Variants in PCCA observed in about 807,000 individuals in gnomAD.
The protein encoded by PCCA is propionyl-CoA carboxylase alpha chain, mitochondrial.
In PCCA, 74 loss-of-function variants were observed where a neutral mutation model predicts 101.3. The ratio of observed to expected loss-of-function variants is 0.73; its 90% CI spans 0.61 to 0.89. The LOEUF (loss-of-function observed/expected upper bound fraction) is 0.89. Ranked by LOEUF, PCCA falls within the 40% of genes least tolerant of loss-of-function variation. PCCA has a pLI of 0.00. For missense variants in PCCA, 891 were observed against 907.0 expected (o/e 0.98, Z 0.23); for synonymous variants, 294 against 313.6 (o/e 0.94, Z 0.66).
At position 100,157,297 on chromosome 13, in the gene PCCA, G is replaced by A. The variant is rs796052019; in HGVS notation, c.425G>A (p.Gly142Asp). Residue 142 changes from glycine (G) to aspartate (D), a missense_variant, in exon 6 of 24, where the codon GGT (glycine) becomes GAT (aspartate). Physicochemically the swap from Gly to Asp is moderately conservative, Grantham distance 94. Coordinates refer to ENST00000376285, the MANE Select transcript of PCCA (RefSeq NM_000282.4). ...KKTRAQAVHPGYGFLSENKEF... is the reference protein window; with the variant it reads ...KKTRAQAVHPDYGFLSENKEF... ...GCTTTCATTTCTAAGGTACATCCAG[G>A]TTATGGATTCCTTTCAGAAAACAAA... 6.2e-7 allele frequency: 1 copy of A among 1,610,564 alleles called. No individual in the cohort carries two copies. Among genetic ancestry groups the A allele is most frequent in the Non-Finnish European group, 8.5e-7 (1 of 1,176,956 alleles).
chr13:100,494,183 T>C (rs1206381578), intron 21 of PCCA, among the ~76,000 whole-genome samples: 1 of 151,128 alleles, frequency 6.6e-6, no homozygotes, highest in African/African-American at 2.5e-5. Context: ...GGAGACTCTG[T>C]CTCAAAAAAT....
In PCCA at chr13:100,185,760, G is replaced by C. The variant is rs1331846822; in HGVS notation, c.469-23572G>C. 2.6e-5 allele frequency among the ~76,000 whole-genome samples: 4 copies of C among 151,660 alleles called. No homozygotes were observed. In the East Asian group the frequency reaches 7.7e-4, roughly 29 times the overall value. On this transcript the variant is annotated intron_variant, in intron 6 of 23. Coordinates refer to ENST00000376285, the MANE Select transcript of PCCA (RefSeq NM_000282.4). ...CCTCCGAGGTTCAAGTGGTTCTCCT[G>C]CCTCAGCCGCTCAAGTAGCTGGGAT... is the stretch of plus-strand genomic sequence containing the variant.
At chr13:100,427,732 TAA>T (rs79186516) in intron 20 of PCCA, among the ~76,000 whole-genome samples, 29 of 132,132 alleles carry the variant, frequency 2.2e-4, no homozygotes, top group Admixed American at 2.3e-4. Flanking sequence ...GTCGTTTACC[TAA>T]AAAAAAAAAA....
rs547427000 is a variant in PCCA, at chr13:100,234,429, A to T, written c.601-1413A>T. Among the ~76,000 whole-genome samples, 24 of 152,238 alleles carry T rather than the reference A, an allele frequency of 1.6e-4. No homozygotes were observed. The South Asian group carries it at 4.6e-3, about 29-fold the overall frequency. ...ATAGATTTATCTCTGACTTGAAAAC[A>T]ATTGTTATTTGGAAAATCTCATTAG... On this transcript the variant is annotated intron_variant, in intron 7 of 23. Coordinates refer to ENST00000376285, the MANE Select transcript of PCCA (RefSeq NM_000282.4).
intron 6 of PCCA, among the ~76,000 whole-genome samples, chr13:100,207,233 C>G (rs897062369): frequency 2.0e-5 from 3 of 152,152 alleles, no homozygotes; most frequent in African/African-American, 7.2e-5. Flanking sequence ...CACATTGTCA[C>G]TCAAAGAAAT....
chr13:100,440,756 C>G (rs1359755965), intron 20 of PCCA, among the ~76,000 whole-genome samples: 1 of 151,674 alleles, frequency 6.6e-6, no homozygotes, highest in Non-Finnish European at 1.5e-5. Context: ...TGTGACATGA[C>G]ACTCTCAGGA....
chr13:100,263,974 CTGTA>C (rs1247959825), intron 10 of PCCA, among the ~76,000 whole-genome samples: 2 of 148,840 alleles, frequency 1.3e-5, no homozygotes, highest in Non-Finnish European at 3.0e-5. Context: ...TATACGGTAT[CTGTA>C]TGTCATATAT....
intron 19 of PCCA, among the ~76,000 whole-genome samples, chr13:100,370,299 G>T (rs2075495127): frequency 6.6e-6 from 1 of 151,848 alleles, no homozygotes; most frequent in Non-Finnish European, 1.5e-5. Context: ...TGGCCAGGCT[G>T]GTCTCGAACA....
chr13:100,132,764 C>T (rs1230184611), intron 4 of PCCA, among the ~76,000 whole-genome samples: 1 of 152,006 alleles, frequency 6.6e-6, no homozygotes, highest in African/African-American at 2.4e-5. Context: ...TCATCCACTT[C>T]AGCAGTCTTG....
At chr13:100,428,358 C>T (rs895964794) in intron 20 of PCCA, among the ~76,000 whole-genome samples, 2 of 145,538 alleles carry the variant, frequency 1.4e-5, no homozygotes, top group South Asian at 4.6e-4. Flanking sequence ...CCCCACCCCC[C>T]CCACACCCTC....
intron 2 of PCCA, among the ~76,000 whole-genome samples, chr13:100,110,137 A>G (rs956896024): frequency 6.7e-6 from 1 of 149,588 alleles, no homozygotes; most frequent in African/African-American, 2.6e-5. Context: ...CATCTCAAAA[A>G]ACAAACAAAC....
chr13:100,479,274 G>A (rs1018605327), intron 21 of PCCA, among the ~76,000 whole-genome samples: 2 of 152,144 alleles, frequency 1.3e-5, no homozygotes, highest in African/African-American at 4.8e-5. Flanking sequence ...ACTGAGTGTG[G>A]CACAGGGAAG....
At chr13:100,407,874 G>T (rs2077781520) in intron 19 of PCCA, among the ~76,000 whole-genome samples, 1 of 152,114 alleles carries the variant, frequency 6.6e-6, no homozygotes, top group Admixed American at 6.5e-5. Flanking sequence ...CTTGGGGCTG[G>T]GCATGGTGGT....
At chr13:100,468,248 G>A (rs1340953428) in intron 21 of PCCA, among the ~76,000 whole-genome samples, 1 of 152,194 alleles carries the variant, frequency 6.6e-6, no homozygotes, top group East Asian at 1.9e-4. Flanking sequence ...AGGTAGGGTA[G>A]ACTTAGCATC....
chr13:100,345,630 A>G (rs938577182), intron 18 of PCCA, among the ~76,000 whole-genome samples: 1 of 152,256 alleles, frequency 6.6e-6, no homozygotes, highest in Admixed American at 6.5e-5. Context: ...CACTAGCATC[A>G]TCGATGAAGG....
At chr13:100,319,053 T>A (rs1285102071) in intron 16 of PCCA, among the ~76,000 whole-genome samples, 2 of 152,244 alleles carry the variant, frequency 1.3e-5, no homozygotes, top group Non-Finnish European at 2.9e-5. Flanking sequence ...GGTATCTCAT[T>A]GTGGTTTTGG....
intron 21 of PCCA, among the ~76,000 whole-genome samples, chr13:100,497,785 A>G (rs2085381781): frequency 6.6e-6 from 1 of 152,130 alleles, no homozygotes; most frequent in African/African-American, 2.4e-5. Flanking sequence ...ATTTCTCCCT[A>G]AGAGAAATTG....
intron 12 of PCCA, among the ~76,000 whole-genome samples, chr13:100,275,176 A>G (rs184529014): frequency 2.1e-3 from 322 of 152,188 alleles, no homozygotes; most frequent in Non-Finnish European, 2.5e-3. Context: ...TGCCTGCTTC[A>G]TCCTGAGCTT....
intron 7 of PCCA, among the ~76,000 whole-genome samples, chr13:100,220,851 T>C (rs995563351): frequency 6.6e-6 from 1 of 152,202 alleles, no homozygotes; most frequent in Non-Finnish European, 1.5e-5. Flanking sequence ...ATTGAATATG[T>C]TGTTTGTGCA....
Sources: gnomAD v4.1 joint callset for allele counts (sites outside exome capture counted in the v4.1 genomes callset) on GRCh38, gnomAD v4.1.1 for gene constraint, MANE v1.5 for transcripts, NCBI Gene and HGNC (gene_info 2026-07-23, HGNC 2026-07-21) for gene names.